Variants in PTPRG observed in about 807,000 individuals in gnomAD.
PTPRG encodes receptor-type tyrosine-protein phosphatase gamma.
Under a neutral mutation model 165.3 loss-of-function variants are expected in PTPRG, and 102 were observed. The observed-to-expected ratio is 0.62, with a 90% CI of 0.53 to 0.73. The LOEUF (loss-of-function observed/expected upper bound fraction) is 0.73, where lower values mean the gene tolerates loss of function less well. PTPRG is among the 30% of genes least tolerant of loss of function. PTPRG has a pLI of 0.00. For synonymous variants in PTPRG, 675 were observed against 669.5 expected (o/e 1.01, Z -0.13); for missense variants, 1,866 against 1,861.4 (o/e 1.00, Z -0.05).
At chr3:61,933,114 G>A (rs1043126139) in intron 2 of PTPRG, among the ~76,000 whole-genome samples, 1 of 152,164 alleles carries the variant, frequency 6.6e-6, no homozygotes, top group Non-Finnish European at 1.5e-5. Context: ...GAGTTCCTCA[G>A]AAAGCATAAA....
intron 2 of PTPRG, among the ~76,000 whole-genome samples, chr3:61,964,860 TA>T (rs1486512790): frequency 1.3e-5 from 2 of 152,112 alleles, no homozygotes; most frequent in Middle Eastern, 3.2e-3. Flanking sequence ...CCTAGAATTT[TA>T]GAAGGAAACG....
At chr3:62,265,207 G>C (rs538803309) in intron 17 of PTPRG, among the ~76,000 whole-genome samples, 2 of 152,104 alleles carry the variant, frequency 1.3e-5, no homozygotes, top group African/African-American at 4.8e-5. Flanking sequence ...TGAATATACA[G>C]TTTGCAAATA....
At chr3:62,040,872 A>G (rs770916558) in intron 4 of PTPRG, among the ~76,000 whole-genome samples, 8 of 152,202 alleles carry the variant, frequency 5.3e-5, no homozygotes, top group Non-Finnish European at 1.2e-4. Flanking sequence ...CTCTGCATAT[A>G]TAGAGGAGTT....
intron 1 of PTPRG, among the ~76,000 whole-genome samples, chr3:61,682,477 C>G (rs965160986): frequency 6.6e-6 from 1 of 152,130 alleles, no homozygotes; most frequent in Non-Finnish European, 1.5e-5. Flanking sequence ...TAAAGTTAAA[C>G]ATAAAAAAGT....
Position 62,217,283 on chromosome 3 carries a change from C to A in PTPRG, c.2156-1568C>A, listed in dbSNP as rs1165693657. Among the ~76,000 whole-genome samples, 1 of 152,202 alleles carries A rather than the reference C, an allele frequency of 6.6e-6. No homozygotes were observed. Among genetic ancestry groups the A allele is most frequent in the Non-Finnish European group, 1.5e-5 (1 of 68,050 alleles). Reference sequence around the variant, plus strand: ...CAGAGTGTGCTGCACCTACTTGACTCTGTCTTCTTACCTGTGAGCAGGGGA... The same window carrying A: ...CAGAGTGTGCTGCACCTACTTGACTATGTCTTCTTACCTGTGAGCAGGGGA... On this transcript the variant is annotated intron_variant, in intron 12 of 29. Transcript: ENST00000474889. This position sits in a 1 kb window ranked among gnomAD's most constrained non-coding sequence, Gnocchi z 4.3.
At chr3:62,265,247 TTTC>T (rs1344543225) in intron 17 of PTPRG, among the ~76,000 whole-genome samples, 5 of 152,236 alleles carry the variant, frequency 3.3e-5, no homozygotes, top group Non-Finnish European at 7.3e-5. Context: ...GTCTTTTCAC[TTTC>T]TTAATGTGAG....
chr3:61,742,815 T>C, intron 1 of PTPRG: 2 of 1,603,668 alleles, frequency 1.2e-6, no homozygotes, highest in South Asian at 1.1e-5. Context: ...TCTTGACCAG[T>C]TTTTTATTCT....
At chr3:61,942,032 C>T (rs962847690) in intron 2 of PTPRG, among the ~76,000 whole-genome samples, 1 of 151,710 alleles carries the variant, frequency 6.6e-6, no homozygotes, top group African/African-American at 2.4e-5. Context: ...CGGTGGCAGG[C>T]ATCATAATCC....
intron 25 of PTPRG, 76 bp downstream of exon 25, chr3:62,277,124 C>G: frequency 9.2e-7 from 1 of 1,089,166 alleles, no homozygotes; most frequent in Non-Finnish European, 1.4e-6. Flanking sequence ...ACCTGTGTGA[C>G]TGATGTCATT....
intron 2 of PTPRG, among the ~76,000 whole-genome samples, chr3:61,913,173 G>C (rs564423454): frequency 2.6e-5 from 4 of 152,188 alleles, no homozygotes; most frequent in Non-Finnish European, 5.9e-5. Context: ...AATAGTGAGC[G>C]TAGTCCCCAG....
intron 1 of PTPRG, among the ~76,000 whole-genome samples, chr3:61,704,192 C>T (rs17065204): frequency 0.013 from 1,954 of 152,214 alleles, 43 homozygotes; most frequent in African/African-American, 0.043. Context: ...TGGAGGTAGA[C>T]GGCCAGGTTT....
intron 2 of PTPRG, among the ~76,000 whole-genome samples, chr3:61,889,416 G>C (rs1037640440): frequency 1.3e-5 from 2 of 152,156 alleles, no homozygotes; most frequent in African/African-American, 4.8e-5. Context: ...TCTTCAAGCT[G>C]ATCATTGTGT....
intron 5 of PTPRG, among the ~76,000 whole-genome samples, chr3:62,126,342 T>C (rs1265340280): frequency 1.3e-5 from 2 of 152,232 alleles, no homozygotes; most frequent in Non-Finnish European, 2.9e-5. Context: ...CTCAATTCTC[T>C]GGAGATGAAT....
intron 2 of PTPRG, among the ~76,000 whole-genome samples, chr3:61,806,217 G>A (rs1377092080): frequency 1.3e-5 from 2 of 152,106 alleles, no homozygotes; most frequent in East Asian, 3.9e-4. Context: ...GAGGGGGAGA[G>A]GGAGAATCCA....
At chr3:61,875,082 G>A (rs540868964) in intron 2 of PTPRG, among the ~76,000 whole-genome samples, 1 of 152,272 alleles carries the variant, frequency 6.6e-6, no homozygotes, top group Admixed American at 6.5e-5. Context: ...TCTAAAGAAG[G>A]GAGATTCAGA....
In PTPRG at chr3:61,794,372, T is replaced by C. The variant is rs549942996; in HGVS notation, c.190+45390T>C. Reference sequence around the variant, plus strand: ...GATTGTTTATGGTTTTGGTTTTCCCTCCATATATTTTCTGGCATTTGGCTC... The same window carrying C: ...GATTGTTTATGGTTTTGGTTTTCCCCCCATATATTTTCTGGCATTTGGCTC... On this transcript the variant is annotated intron_variant, in intron 2 of 29. Coordinates refer to ENST00000474889, the MANE Select transcript of PTPRG (RefSeq NM_002841.4). Among the ~76,000 whole-genome samples the C allele has an allele frequency of 1.4e-3, 219 of 152,328 alleles. 9 individuals carry two copies. The South Asian group carries it at 0.043, about 30-fold the overall frequency.
intron 13 of PTPRG, among the ~76,000 whole-genome samples, chr3:62,230,531 C>G (rs1700877651): frequency 6.6e-6 from 1 of 152,160 alleles, no homozygotes; most frequent in African/African-American, 2.4e-5. Flanking sequence ...TAAATACTTT[C>G]AAGTGTTCTT....
intron 2 of PTPRG, among the ~76,000 whole-genome samples, chr3:61,856,282 T>C (rs1405361881): frequency 6.6e-6 from 1 of 152,102 alleles, no homozygotes; most frequent in Non-Finnish European, 1.5e-5. Context: ...GGAAGCCTCA[T>C]ACCCATTGAG....
intron 5 of PTPRG, among the ~76,000 whole-genome samples, chr3:62,106,829 A>G (rs1377272245): frequency 2.6e-5 from 4 of 152,124 alleles, no homozygotes; most frequent in Admixed American, 6.6e-5. Flanking sequence ...AATTGTATCT[A>G]TTTCCACAGC....
Sources: gnomAD v4.1 joint callset for allele counts (sites outside exome capture counted in the v4.1 genomes callset) on GRCh38, gnomAD v4.1.1 for gene constraint, Gnocchi (gnomAD v3.1) non-coding constraint, MANE v1.5 for transcripts, NCBI Gene and HGNC (gene_info 2026-07-23, HGNC 2026-07-21) for gene names.